Variants in CDC5L observed in about 807,000 individuals in gnomAD.
CDC5L encodes the protein cell division cycle 5-like protein.
In CDC5L, 18 loss-of-function variants were observed where a neutral mutation model predicts 104.1. The ratio of observed to expected loss-of-function variants is 0.17; its 90% CI spans 0.12 to 0.26. CDC5L has a LOEUF of 0.26. CDC5L is among the 10% of genes least tolerant of loss of function. CDC5L has a pLI of 1.00. For missense variants in CDC5L, 673 were observed against 956.9 expected, an observed-to-expected ratio of 0.70 and a Z score of 3.91; for synonymous variants, 331 against 322.7, an observed-to-expected ratio of 1.03 and a Z score of -0.28.
intron 4 of CDC5L, 51 bp from the exon 5 acceptor site, chr6:44,396,290 G>A: frequency 8.3e-7 from 1 of 1,202,884 alleles, no homozygotes; most frequent in Non-Finnish European, 1.2e-6. Context: ...TGCTTCTAGA[G>A]TATGTAAGAA....
At chr6:44,408,397 C>T (rs372318460) in intron 7 of CDC5L, 47 bp from the exon 8 acceptor site, 128 of 1,460,030 alleles carry the variant, frequency 8.8e-5, no homozygotes, top group Non-Finnish European at 7.4e-5. Context: ...CCACTGTGCC[C>T]GGCCTCAGTT....
At chr6:44,422,834 C>G in intron 10 of CDC5L, 25 bp downstream of exon 10, 1 of 1,549,372 alleles carries the variant, frequency 6.5e-7, no homozygotes, top group Non-Finnish European at 8.7e-7. Context: ...CCTTTTAATA[C>G]TCTTAAATTT....
At position 44,422,716 on chromosome 6, in the gene CDC5L, T is replaced by C. The variant is rs201615131; in HGVS notation, c.1311T>C (p.Ser437=). 8 of 1,612,520 alleles carry C rather than the reference T, an allele frequency of 5.0e-6. No individual in the cohort carries two copies. The East Asian group carries it at 1.8e-4, about 36-fold the overall frequency. ...CAACTCCCAAACCAGTTATTAACTC[T>C]ACTCCGGGTAGAACTCCTCTTCGAG... ...SGTTPKPVIN[S]TPGRTPLRDK... is the part of the protein sequence containing the mutation. The change falls in exon 10 of 16, where the codon TCT becomes TCC. Residue 437 remains serine (S), a synonymous_variant. Coordinates refer to ENST00000371477, the MANE Select transcript of CDC5L (RefSeq NM_001253.4).
chr6:44,412,781 CT>C (rs397950082), intron 8 of CDC5L, among the ~76,000 whole-genome samples: 1,198 of 106,520 alleles, frequency 0.011, 5 homozygotes, highest in Middle Eastern at 0.085. Flanking sequence ...AGAATAATTT[CT>C]TTTTTTTTTT....
chr6:44,437,615 A>G lies in CDC5L; in HGVS notation c.2091+7705A>G, dbSNP rs9369489. On this transcript the variant is annotated intron_variant, in intron 14 of 15. Coordinates refer to ENST00000371477, the MANE Select transcript of CDC5L (RefSeq NM_001253.4). Reference sequence around the variant, plus strand: ...GGAAAGCTAACAACTTTGAAGTTTTAAAATCTCTGATGGTTTGAGTATAAG... The same window carrying G: ...GGAAAGCTAACAACTTTGAAGTTTTGAAATCTCTGATGGTTTGAGTATAAG... 2.8e-3 allele frequency among the ~76,000 whole-genome samples: 434 copies of G among 152,312 alleles called. 9 individuals are homozygous for G. In the East Asian group the frequency reaches 0.061, roughly 21 times the overall value.
intron 13 of CDC5L, among the ~76,000 whole-genome samples, chr6:44,428,139 T>G (rs1792510229): frequency 6.6e-6 from 1 of 152,192 alleles, no homozygotes; most frequent in Non-Finnish European, 1.5e-5. Context: ...AACTTGTAAA[T>G]TTTTACTCTG....
At chr6:44,424,826 C>G (rs761308507) in intron 11 of CDC5L, among the ~76,000 whole-genome samples, 4 of 152,148 alleles carry the variant, frequency 2.6e-5, no homozygotes, top group Non-Finnish European at 4.4e-5. Context: ...CTGTCAAATT[C>G]ATTATGCTTC....
chr6:44,404,576 C>G (rs1027924746), intron 6 of CDC5L, among the ~76,000 whole-genome samples: 15 of 152,078 alleles, frequency 9.9e-5, no homozygotes, highest in Non-Finnish European at 1.3e-4. Context: ...ATGCATGGCT[C>G]TCAATTGACT....
intron 14 of CDC5L, among the ~76,000 whole-genome samples, chr6:44,435,179 T>C (rs1792874739): frequency 6.6e-6 from 1 of 151,560 alleles, no homozygotes; most frequent in Admixed American, 6.6e-5. Context: ...TCTACATTTT[T>C]CATTTAATAG....
intron 11 of CDC5L, among the ~76,000 whole-genome samples, chr6:44,425,553 A>G (rs1041970662): frequency 6.6e-6 from 1 of 152,136 alleles, no homozygotes; most frequent in African/African-American, 2.4e-5. Flanking sequence ...TGAGAATGAC[A>G]TCAGTGGAAA....
In CDC5L at chr6:44,403,796, G is replaced by A. The variant is rs758159755; in HGVS notation, c.540-13G>A. 2.5e-6 allele frequency: 4 copies of A among 1,571,470 alleles called. No homozygotes were observed. Among genetic ancestry groups the A allele is most frequent in the Non-Finnish European group, 3.5e-6 (4 of 1,155,990 alleles). On this transcript the variant is annotated splice_polypyrimidine_tract_variant and intron_variant, in intron 5 of 15. Coordinates refer to ENST00000371477, the MANE Select transcript of CDC5L (RefSeq NM_001253.4). The stretch of plus-strand genomic sequence containing the variant: ...GGCATATGATTTTCAAAGTGATTTT[G>A]CATTCTTTTCAGACGTCTTGCTGCC...
At chr6:44,392,629 G>GTAAC (rs1790673789) in intron 2 of CDC5L, 38 bp from the exon 3 acceptor site, 3 of 1,573,360 alleles carry the variant, frequency 1.9e-6, no homozygotes, top group Non-Finnish European at 2.6e-6. Context: ...TTTATGCCAG[G>GTAAC]TAACTGATTA....
chr6:44,440,708 C>CT (rs372146196), intron 14 of CDC5L, among the ~76,000 whole-genome samples: 7,155 of 130,954 alleles, frequency 0.055, 361 homozygotes, highest in African/African-American at 0.11. Flanking sequence ...ATTTAAAATC[C>CT]TTTTTTTTTT....
intron 5 of CDC5L, among the ~76,000 whole-genome samples, chr6:44,397,463 T>A (rs1045565188): frequency 6.6e-6 from 1 of 152,228 alleles, no homozygotes; most frequent in African/African-American, 2.4e-5. Context: ...TTGTATTTTT[T>A]TCCCCCAACC....
chr6:44,412,330 G>T (rs1465992407), intron 8 of CDC5L, among the ~76,000 whole-genome samples: 7 of 148,874 alleles, frequency 4.7e-5, no homozygotes, highest in African/African-American at 1.5e-4. Context: ...TTCAGACAGG[G>T]TCTCACTCCC....
At chr6:44,395,617 C>T (rs1790835379) in intron 4 of CDC5L, among the ~76,000 whole-genome samples, 1 of 152,172 alleles carries the variant, frequency 6.6e-6, no homozygotes, top group South Asian at 2.1e-4. Flanking sequence ...TGTGGCTAGG[C>T]TGGCTGCATC....
At chr6:44,419,865 C>G (rs974615183) in intron 9 of CDC5L, among the ~76,000 whole-genome samples, 1 of 151,944 alleles carries the variant, frequency 6.6e-6, no homozygotes, top group African/African-American at 2.4e-5. Context: ...CTCTGCCTCC[C>G]GGGTTCAAGC....
chr6:44,410,947 G>T (rs1382738553), intron 8 of CDC5L, among the ~76,000 whole-genome samples: 1 of 148,920 alleles, frequency 6.7e-6, no homozygotes, highest in African/African-American at 2.5e-5. Context: ...TCTTTATTCA[G>T]TTTTTAATTT....
Position 44,413,772 on chromosome 6 carries a change from T to TG in CDC5L, c.1092+5145dup, listed in dbSNP as rs902625564. ...TTAATTTTCTAATTTTTTGTAGAGATGGGGGTCTCACTGTGTCGCCCAGGC... is the reference window on the plus strand; with the variant it reads ...TTAATTTTCTAATTTTTTGTAGAGATGGGGGGTCTCACTGTGTCGCCCAGGC... On this transcript the variant is annotated intron_variant, in intron 8 of 15. Transcript: ENST00000371477. 1.8e-4 allele frequency among the ~76,000 whole-genome samples: 27 copies of TG among 152,136 alleles called. 1 individual carries two copies. The East Asian group carries it at 4.8e-3, about 27-fold the overall frequency.
Sources: allele counts gnomAD v4.1 joint callset (sites outside exome capture counted in the v4.1 genomes callset), GRCh38; gene constraint gnomAD v4.1.1; transcripts MANE v1.5; gene names NCBI Gene and HGNC (gene_info 2026-07-23, HGNC 2026-07-21).